Variants in NOTCH2 observed in about 807,000 individuals in gnomAD.
NOTCH2 encodes the protein notch receptor 2, also known as neurogenic locus notch homolog protein 2.
Under a neutral mutation model 235.8 loss-of-function variants are expected in NOTCH2, and 29 were observed. That is an observed-to-expected ratio of 0.12 (90% CI 0.09 to 0.17). The LOEUF (loss-of-function observed/expected upper bound fraction) is 0.17. NOTCH2 is among the 10% of genes least tolerant of loss of function. The pLI, the probability that NOTCH2 is intolerant of heterozygous loss-of-function variation, is 1.00. For missense variants in NOTCH2, 2,285 were observed against 3,150.2 expected, an observed-to-expected ratio of 0.73 and a Z score of 6.57; for synonymous variants, 1,086 against 1,141.5, an observed-to-expected ratio of 0.95 and a Z score of 0.98.
At chr1:120,015,069 C>CACAT (rs1653381627) in intron 2 of NOTCH2, among the ~76,000 whole-genome samples, 2 of 150,770 alleles carry the variant, frequency 1.3e-5, no homozygotes, top group African/African-American at 4.9e-5. Flanking sequence ...AAAATCCCAC[C>CACAT]ACATACAAGA....
At chr1:119,942,461 C>T (rs767533694) in intron 17 of NOTCH2, among the ~76,000 whole-genome samples, 16 of 152,164 alleles carry the variant, frequency 1.1e-4, no homozygotes, top group Non-Finnish European at 2.1e-4. Flanking sequence ...AAACTAAATA[C>T]TAAACTAAAG....
At position 119,987,238 on chromosome 1, in the gene NOTCH2, CT is replaced by C. The variant is rs1652055338; in HGVS notation, c.752-157del. Among the ~76,000 whole-genome samples, 3 of 152,308 alleles carry C rather than the reference CT, an allele frequency of 2.0e-5. No individual in the cohort carries two copies. The South Asian group carries it at 6.2e-4, about 32-fold the overall frequency. Reference sequence around the variant, plus strand: ...CTCACCATATGAAAAATCCCCAATTCTCTGTCTTCTCTGGCCTCAAGCATAG... The same window carrying C: ...CTCACCATATGAAAAATCCCCAATTCCTGTCTTCTCTGGCCTCAAGCATAG... On this transcript the variant is annotated intron_variant, in intron 4 of 33. Coordinates refer to ENST00000256646, the MANE Select transcript of NOTCH2 (RefSeq NM_024408.4).
At chr1:120,007,666 C>T (rs1653034862) in intron 2 of NOTCH2, among the ~76,000 whole-genome samples, 1 of 151,888 alleles carries the variant, frequency 6.6e-6, no homozygotes, top group Non-Finnish European at 1.5e-5. Context: ...ACACTCCAGC[C>T]TGGGCAACAG....
chr1:119,949,025 A>C lies in NOTCH2; in HGVS notation c.2581T>G (p.Cys861Gly). The C allele has an allele frequency of 6.2e-7, 1 of 1,614,232 alleles. No homozygotes were observed. The highest frequency in any genetic ancestry group is 8.5e-7 in the Non-Finnish European group (1 of 1,180,044). Reference sequence around the variant, plus strand: ...TTCTTACCTTGCCAGCCAGGAGCACACAAGCAAGTATAACTCTCAAAATTT... The same window carrying C: ...TTCTTACCTTGCCAGCCAGGAGCACCCAAGCAAGTATAACTCTCAAAATTT... ...SPNFESYTCL[C>G]APGWQGQRCT... is the part of the protein sequence containing the mutation. The change falls in exon 16 of 34, where the codon TGT becomes GGT. Residue 861 changes from cysteine (C) to glycine (G), a missense_variant. Cys to Gly is a radical substitution (Grantham distance 159). Around this residue, in one of 6 missense-constraint regions of NOTCH2, gnomAD observed 1,173 missense variants for 1,515.3 expected, o/e 0.77. Transcript: ENST00000256646.
intron 8 of NOTCH2, 93 bp from the exon 9 acceptor site, chr1:119,966,582 T>A (rs1277247353): frequency 2.4e-6 from 2 of 844,738 alleles, no homozygotes; most frequent in Non-Finnish European, 4.1e-6. Context: ...CTACATCCTT[T>A]GCGAGTACAC....
chr1:119,997,264 C>A lies in NOTCH2; in HGVS notation c.484G>T (p.Val162Leu). 1 of 1,613,994 alleles carries A rather than the reference C, an allele frequency of 6.2e-7. No homozygotes were observed. The highest frequency in any genetic ancestry group is 8.5e-7 in the Non-Finnish European group (1 of 1,179,864). The change falls in exon 4 of 34, where the codon GTG becomes TTG. Residue 162 changes from valine to leucine, a missense_variant. Val to Leu is a conservative substitution (Grantham distance 32, BLOSUM62 1). Coordinates refer to ENST00000256646, the MANE Select transcript of NOTCH2 (RefSeq NM_024408.4). ...PCANGSTCTT[V>L]ANQFSCKCLT... ...CATTTGCAGGAGAACTGGTTGGCCA[C>A]AGTGGTACAGGTACTTCCATTTGCA...
intron 31 of NOTCH2, among the ~76,000 whole-genome samples, chr1:119,918,904 A>ATATATATATTCCCT (rs1649176601): frequency 6.6e-6 from 1 of 152,160 alleles, no homozygotes; most frequent in African/African-American, 2.4e-5. Flanking sequence ...GGCATCAGGG[A>ATATATATATTCCCT]ATATAATATG....
chr1:120,042,019 G>A (rs1220090741), intron 1 of NOTCH2, among the ~76,000 whole-genome samples: 40 of 144,536 alleles, frequency 2.8e-4, no homozygotes, highest in Non-Finnish European at 4.5e-4. Context: ...GCGAGCGAAC[G>A]AGCAGATGCC....
At chr1:119,982,148 T>C (rs868910596) in intron 5 of NOTCH2, among the ~76,000 whole-genome samples, 8 of 152,262 alleles carry the variant, frequency 5.3e-5, no homozygotes, top group Admixed American at 1.3e-4. Flanking sequence ...TTTTACTGAA[T>C]TGGGAGCACT....
Position 119,914,298 on chromosome 1 carries a change from G to T in NOTCH2, c.*1008C>A, listed in dbSNP as rs587620313. ...CTTGGCAGGAAGTAGGGGGACCTGTGGGTGGGTAACTGGCTCTTGCACGAG... is the reference window on the plus strand; with the variant it reads ...CTTGGCAGGAAGTAGGGGGACCTGTTGGTGGGTAACTGGCTCTTGCACGAG... On this transcript the variant is annotated 3_prime_UTR_variant, in exon 34 of 34. Coordinates refer to ENST00000256646, the MANE Select transcript of NOTCH2 (RefSeq NM_024408.4). 5.1e-5 allele frequency: 12 copies of T among 233,200 alleles called. No individual in the cohort carries two copies. Among genetic ancestry groups the T allele is most frequent in the African/African-American group, 2.6e-4 (12 of 45,460 alleles). The allele number at this position is 233,200 out of a possible 1,614,324, so 14.4% of individuals were successfully genotyped here.
At chr1:119,982,854 C>T (rs188575795) in intron 5 of NOTCH2, among the ~76,000 whole-genome samples, 3 of 152,344 alleles carry the variant, frequency 2.0e-5, no homozygotes, top group Non-Finnish European at 2.9e-5. Flanking sequence ...GGTAAAAACG[C>T]CTGTAGTGGG....
intron 17 of NOTCH2, among the ~76,000 whole-genome samples, chr1:119,942,276 A>T (rs1267038779): frequency 2.0e-5 from 3 of 152,200 alleles, no homozygotes; most frequent in Non-Finnish European, 4.4e-5. Context: ...ACATAGCTTG[A>T]TCTTGGAACA....
intron 1 of NOTCH2, among the ~76,000 whole-genome samples, chr1:120,058,274 C>T (rs879272263): frequency 1.3e-5 from 2 of 152,104 alleles, no homozygotes; most frequent in African/African-American, 2.4e-5. Flanking sequence ...GAGGCTGAGG[C>T]GGGCGGATCA....
chr1:119,947,454 C>A (rs587724439), intron 17 of NOTCH2, among the ~76,000 whole-genome samples: 5 of 152,240 alleles, frequency 3.3e-5, no homozygotes, highest in Non-Finnish European at 5.9e-5. Flanking sequence ...ATTAAAATCA[C>A]AATGAAATAC....
intron 1 of NOTCH2, among the ~76,000 whole-genome samples, chr1:120,058,310 C>T (rs1655191913): frequency 6.6e-6 from 1 of 151,428 alleles, no homozygotes; most frequent in Non-Finnish European, 1.5e-5. Context: ...ACGAGACCAG[C>T]CTGCCCAACA....
At chr1:119,954,413 C>T (rs1326727936) in intron 13 of NOTCH2, among the ~76,000 whole-genome samples, 1 of 152,178 alleles carries the variant, frequency 6.6e-6, no homozygotes, top group Non-Finnish European at 1.5e-5. Flanking sequence ...TGCCACTAAA[C>T]ACTCTTTATC....
intron 5 of NOTCH2, among the ~76,000 whole-genome samples, chr1:119,983,818 G>GT (rs1168563234): frequency 2.0e-5 from 3 of 152,114 alleles, no homozygotes; most frequent in Non-Finnish European, 4.4e-5. Flanking sequence ...AAACAAAGCC[G>GT]TAACTATCAG....
At position 119,959,823 on chromosome 1, in the gene NOTCH2, A is replaced by T. The variant is rs587621756; in HGVS notation, c.1916-321T>A. Among the ~76,000 whole-genome samples, 4 of 152,348 alleles carry T rather than the reference A, an allele frequency of 2.6e-5. No individual in the cohort carries two copies. In the East Asian group the frequency reaches 7.7e-4, roughly 29 times the overall value. The stretch of plus-strand genomic sequence containing the variant: ...AGTAGAACCAGACTGTACTATAATT[A>T]TTCTACTGCTCACCTCCACATGCCA... On this transcript the variant is annotated intron_variant, in intron 11 of 33. Transcript: ENST00000256646.
At chr1:119,985,949 T>C (rs1031476161) in intron 5 of NOTCH2, among the ~76,000 whole-genome samples, 2 of 152,206 alleles carry the variant, frequency 1.3e-5, no homozygotes, top group African/African-American at 4.8e-5. Flanking sequence ...CAGAAATGTT[T>C]GGCCTCCCCA....
Sources: allele counts gnomAD v4.1 joint callset (sites outside exome capture counted in the v4.1 genomes callset), GRCh38; gene constraint gnomAD v4.1.1; regional missense constraint gnomAD v4.1.1; transcripts MANE v1.5; gene names NCBI Gene and HGNC (gene_info 2026-07-23, HGNC 2026-07-21).